GRB10: variants seen among roughly 807,000 people sequenced by gnomAD.
GRB10 encodes growth factor receptor-bound protein 10.
A neutral mutation model predicts 80.9 loss-of-function variants in GRB10; 20 were observed. The observed-to-expected ratio is 0.25, with a 90% CI of 0.17 to 0.36. The LOEUF is 0.36. GRB10 is among the 10% of genes least tolerant of loss of function. GRB10 has a pLI of 1.00. For missense variants in GRB10, 548 were observed against 747.7 expected (o/e 0.73, Z 3.12); for synonymous variants, 291 against 291.5 (o/e 1.00, Z 0.02).
intron 4 of GRB10, among the ~76,000 whole-genome samples, chr7:50,722,373 G>A (rs1309631787): frequency 6.6e-6 from 1 of 152,238 alleles, no homozygotes; most frequent in Non-Finnish European, 1.5e-5. Flanking sequence ...CACCAAAGAA[G>A]TGTCAGGGCA....
At chr7:50,741,173 G>A (rs960409728) in intron 3 of GRB10, among the ~76,000 whole-genome samples, 3 of 152,036 alleles carry the variant, frequency 2.0e-5, no homozygotes, top group Non-Finnish European at 2.9e-5. Flanking sequence ...GAGAAAACGA[G>A]GAAAACTAGT....
intron 5 of GRB10, among the ~76,000 whole-genome samples, chr7:50,701,483 C>T (rs563556585): frequency 1.3e-5 from 2 of 152,220 alleles, no homozygotes; most frequent in South Asian, 2.1e-4. Flanking sequence ...CCCAGGTACT[C>T]GGGAGGCTGA....
intron 7 of GRB10, among the ~76,000 whole-genome samples, chr7:50,627,951 G>T (rs1451285490): frequency 6.6e-6 from 1 of 152,144 alleles, no homozygotes; most frequent in African/African-American, 2.4e-5. Context: ...GGGCTCCCAG[G>T]CTGCCTTGCA....
At chr7:50,622,962 A>G (rs1319394659) in intron 8 of GRB10, among the ~76,000 whole-genome samples, 1 of 152,114 alleles carries the variant, frequency 6.6e-6, no homozygotes, top group African/African-American at 2.4e-5. Flanking sequence ...GGCCAAAAAT[A>G]TCTTTTAAAA....
intron 4 of GRB10, among the ~76,000 whole-genome samples, chr7:50,714,595 G>A (rs912718705): frequency 2.6e-5 from 4 of 151,946 alleles, no homozygotes; most frequent in Admixed American, 1.3e-4. Context: ...CCCAGGAGGC[G>A]GAGCTTGCAG....
At chr7:50,595,776 A>G (rs2046540388) in intron 17 of GRB10, 1 of 466,442 alleles carries the variant, frequency 2.1e-6, no homozygotes, top group Non-Finnish European at 3.9e-6. Context: ...CCTTGGGGAT[A>G]TGCCTGACTA....
At chr7:50,763,062 G>A (rs182143946) in intron 2 of GRB10, among the ~76,000 whole-genome samples, 64 of 151,382 alleles carry the variant, frequency 4.2e-4, no homozygotes, top group African/African-American at 1.4e-3. Flanking sequence ...AGCTTGCAGC[G>A]AGCCGAGATC....
intron 3 of GRB10, among the ~76,000 whole-genome samples, chr7:50,749,130 G>GTTTTTTT (rs71018483): frequency 7.2e-6 from 1 of 139,546 alleles, no homozygotes; most frequent in African/African-American, 2.7e-5. Context: ...TTGTTTTTTT[G>GTTTTTTT]TTTGTTTTTT....
intron 2 of GRB10, among the ~76,000 whole-genome samples, chr7:50,778,186 G>C (rs1036003846): frequency 6.6e-6 from 1 of 152,220 alleles, no homozygotes; most frequent in Non-Finnish European, 1.5e-5. Context: ...TCCTCTTAAA[G>C]TGTCATAATA....
chr7:50,717,987 T>C (rs1261995997), intron 4 of GRB10, among the ~76,000 whole-genome samples: 1 of 152,234 alleles, frequency 6.6e-6, no homozygotes, highest in Non-Finnish European at 1.5e-5. Flanking sequence ...GAGACTCCTC[T>C]GTCACTCCAG....
intron 3 of GRB10, among the ~76,000 whole-genome samples, chr7:50,744,379 T>G (rs372052360): frequency 6.6e-6 from 1 of 152,114 alleles, no homozygotes; most frequent in African/African-American, 2.4e-5. Flanking sequence ...GAGAGAAGAA[T>G]AAACATTACA....
In GRB10 at chr7:50,616,531, C is replaced by T. The variant is rs528716332; in HGVS notation, c.847-184G>A. ...AATTCGTGTTGCATAGAACATAATT[C>T]GTATTTAAACATATGCAAGCAAATG... On this transcript the variant is annotated intron_variant, in intron 10 of 18. Coordinates refer to ENST00000401949, the MANE Select transcript of GRB10 (RefSeq NM_001350814.2). Among the ~76,000 whole-genome samples the T allele has an allele frequency of 3.5e-4, 54 of 152,250 alleles. 1 individual carries two copies. The South Asian group carries it at 9.5e-3, about 27-fold the overall frequency.
At position 50,634,140 on chromosome 7, in the gene GRB10, G is replaced by A. The variant is rs140961730; in HGVS notation, c.505-7162C>T. On this transcript the variant is annotated intron_variant, in intron 7 of 18. Coordinates refer to ENST00000401949, the MANE Select transcript of GRB10 (RefSeq NM_001350814.2). Reference sequence around the variant, plus strand: ...AACAAATTTCAAAAGCAGTTAGATAGAAGTGTCAAATCACCTATAATGGAA... The same window carrying A: ...AACAAATTTCAAAAGCAGTTAGATAAAAGTGTCAAATCACCTATAATGGAA... Among the ~76,000 whole-genome samples the A allele has an allele frequency of 1.9e-3, 294 of 152,324 alleles. 2 individuals carry two copies. Among genetic ancestry groups the A allele is most frequent in the African/African-American group, 7.0e-3 (291 of 41,576 alleles).
intron 3 of GRB10, among the ~76,000 whole-genome samples, chr7:50,742,738 G>T (rs778196963): frequency 6.6e-6 from 1 of 151,788 alleles, no homozygotes; most frequent in Non-Finnish European, 1.5e-5. Context: ...TGGGGAGGGG[G>T]TGGGGGGTAA....
intron 7 of GRB10, among the ~76,000 whole-genome samples, chr7:50,654,380 C>A (rs2058391043): frequency 6.6e-6 from 1 of 152,200 alleles, no homozygotes; most frequent in Non-Finnish European, 1.5e-5. Context: ...GTGGCCGCTG[C>A]CAAGCCTCAC....
intron 10 of GRB10, among the ~76,000 whole-genome samples, chr7:50,617,317 G>A (rs1056640240): frequency 2.6e-5 from 4 of 152,210 alleles, no homozygotes; most frequent in African/African-American, 4.8e-5. Context: ...GAATTCTGTA[G>A]GAACTACATT....
At chr7:50,677,480 G>A (rs375417599) in intron 5 of GRB10, among the ~76,000 whole-genome samples, 122 of 152,286 alleles carry the variant, frequency 8.0e-4, no homozygotes, top group African/African-American at 2.9e-3. Flanking sequence ...TTGCAGTCCA[G>A]AGAACTCTGC....
At chr7:50,745,050 T>C (rs142673505) in intron 3 of GRB10, among the ~76,000 whole-genome samples, 1 of 152,238 alleles carries the variant, frequency 6.6e-6, no homozygotes, top group Non-Finnish European at 1.5e-5. Context: ...TATGCATTCA[T>C]GACATAGCCT....
At chr7:50,695,030 C>G (rs999749219) in intron 5 of GRB10, among the ~76,000 whole-genome samples, 1 of 152,152 alleles carries the variant, frequency 6.6e-6, no homozygotes, top group Non-Finnish European at 1.5e-5. Flanking sequence ...TCTCCCTCCC[C>G]GTGCCTGGGA....
Sources: allele counts gnomAD v4.1 joint callset (sites outside exome capture counted in the v4.1 genomes callset), GRCh38; gene constraint gnomAD v4.1.1; transcripts MANE v1.5; gene names NCBI Gene and HGNC (gene_info 2026-07-23, HGNC 2026-07-21).